Variants in CSTF1 observed in about 807,000 individuals in gnomAD.
CSTF1 encodes CF-1 50 kDa subunit.
CSTF1 carries 2 observed loss-of-function variants against 40.9 expected under a neutral mutation model. That is an observed-to-expected ratio of 0.05 (90% confidence interval 0.02 to 0.15). The LOEUF is 0.15. CSTF1 is among the 10% of genes least tolerant of loss of function. CSTF1 has a pLI of 1.00. For synonymous variants in CSTF1, 218 were observed against 207.2 expected, an observed-to-expected ratio of 1.05 and a Z score of -0.45; for missense variants, 279 against 558.9, an observed-to-expected ratio of 0.50 and a Z score of 5.05.
Position 56,404,015 on chromosome 20 carries a change from A to T in CSTF1, c.*288A>T. The T allele has an allele frequency of 3.0e-6, 1 of 331,174 alleles. No homozygotes were observed. The highest frequency in any genetic ancestry group is 4.9e-5 in the East Asian group (1 of 20,354). 20.5% of individuals were successfully genotyped at this position (331,174 alleles called of 1,614,324 possible). On this transcript the variant is annotated 3_prime_UTR_variant, in exon 6 of 6. Transcript: ENST00000217109. ...GCCGTTTCTTTTGATCTCTTGATTGAAGGAGGATAGGGCATTAAAGTGCTT... is the reference window on the plus strand; with the variant it reads ...GCCGTTTCTTTTGATCTCTTGATTGTAGGAGGATAGGGCATTAAAGTGCTT...
Position 56,403,487 on chromosome 20 carries a change from C to T in CSTF1, c.1056C>T (p.Arg352=), listed in dbSNP as rs1978561648. ...VRYTGAGLSG[R]QVHRTQAVFN... is the part of the protein sequence containing the mutation. Reference sequence around the variant, plus strand: ...TGGCAGGCGCGGGTTTAAGTGGACGCCAGGTGCACCGGACACAGGCTGTGT... The same window carrying T: ...TGGCAGGCGCGGGTTTAAGTGGACGTCAGGTGCACCGGACACAGGCTGTGT... The change falls in exon 6 of 6, where the codon CGC becomes CGT. Residue 352 remains arginine (R), a synonymous_variant. Coordinates refer to ENST00000217109, the MANE Select transcript of CSTF1 (RefSeq NM_001324.3). 3.7e-6 allele frequency: 6 copies of T among 1,613,882 alleles called. No homozygotes were observed. The South Asian group carries it at 5.5e-5, about 15-fold the overall frequency.
chr20:56,404,265 T>TA lies in CSTF1; in HGVS notation c.*539dup, dbSNP rs1452377822. 1.3e-5 allele frequency: 2 copies of TA among 152,590 alleles called. No individual in the cohort carries two copies. The highest frequency in any genetic ancestry group is 2.9e-5 in the Non-Finnish European group (2 of 68,324). 9.5% of individuals were successfully genotyped at this position (152,590 alleles called of 1,614,324 possible). On this transcript the variant is annotated 3_prime_UTR_variant, in exon 6 of 6. Transcript: ENST00000217109. ...AAGCTCAGATCTGCAACTTTATTGT[T>TA]ATATATTTTTCACTTCTGTAAAATT... is the stretch of plus-strand genomic sequence containing the variant.
intron 2 of CSTF1, 170 bp downstream of exon 2, chr20:56,395,891 G>T (rs1407921569): frequency 9.3e-6 from 6 of 645,844 alleles, no homozygotes; most frequent in Non-Finnish European, 1.6e-5. Context: ...TAAGTAAGGG[G>T]TAAAGCAAAG....
intron 1 of CSTF1, among the ~76,000 whole-genome samples, chr20:56,394,351 G>A (rs1164460367): frequency 6.6e-6 from 1 of 152,134 alleles, no homozygotes; most frequent in Non-Finnish European, 1.5e-5. Flanking sequence ...TTTGGGAGGC[G>A]GAGGCAGGCA....
At chr20:56,398,057 AC>A (rs922163835) in intron 4 of CSTF1, among the ~76,000 whole-genome samples, 2 of 151,980 alleles carry the variant, frequency 1.3e-5, no homozygotes, top group African/African-American at 4.8e-5. Context: ...TTATAATCTG[AC>A]CCTTTGGAGG....
In CSTF1 at chr20:56,405,290, T is replaced by G. The variant is rs1225234231; in HGVS notation, c.*1563T>G. The G allele has an allele frequency of 1.3e-5, 2 of 152,162 alleles. No individual in the cohort carries two copies. The highest frequency in any genetic ancestry group is 4.8e-5 in the African/African-American group (2 of 41,426). The allele number at this position is 152,162 out of a possible 1,614,324, so 9.4% of individuals were successfully genotyped here. A position where few individuals can be genotyped will look rare whatever the true frequency, so the allele number is the denominator to read the frequency against. Reference sequence around the variant, plus strand: ...GGCGCGATCTCGGCTCACCGCAGCCTCCGCCACCTGGGTTCAAACGATTCT... The same window carrying G: ...GGCGCGATCTCGGCTCACCGCAGCCGCCGCCACCTGGGTTCAAACGATTCT... On this transcript the variant is annotated 3_prime_UTR_variant, in exon 6 of 6. Transcript: ENST00000217109.
chr20:56,393,170 ATG>A (rs11473393), intron 1 of CSTF1, among the ~76,000 whole-genome samples: 39 of 132,144 alleles, frequency 3.0e-4, no homozygotes, highest in African/African-American at 7.0e-4. Flanking sequence ...ACACACACAT[ATG>A]TGTGTGTGTG....
chr20:56,403,734 C>G lies in CSTF1; in HGVS notation c.*7C>G, dbSNP rs1251434541. ...GAGATCGACCACTGACTGAGCCACCCTCTCCGTAGGGTTCTTTCTCGAGGA... is the reference window on the plus strand; with the variant it reads ...GAGATCGACCACTGACTGAGCCACCGTCTCCGTAGGGTTCTTTCTCGAGGA... On this transcript the variant is annotated 3_prime_UTR_variant, in exon 6 of 6. Coordinates refer to ENST00000217109, the MANE Select transcript of CSTF1 (RefSeq NM_001324.3). 5.6e-6 allele frequency: 9 copies of G among 1,608,510 alleles called. No individual in the cohort carries two copies. The highest frequency in any genetic ancestry group is 6.8e-6 in the Non-Finnish European group (8 of 1,175,598).
chr20:56,396,351 C>T (rs1038786963), intron 2 of CSTF1, among the ~76,000 whole-genome samples: 1 of 152,170 alleles, frequency 6.6e-6, no homozygotes, highest in South Asian at 2.1e-4. Context: ...GAGCATTTCT[C>T]CTGGGGAAAT....
At position 56,404,374 on chromosome 20, in the gene CSTF1, G is replaced by A. The variant is rs143206308; in HGVS notation, c.*647G>A. 5.3e-5 allele frequency: 8 copies of A among 152,178 alleles called. No individual in the cohort carries two copies. The highest frequency in any genetic ancestry group is 1.9e-4 in the African/African-American group (8 of 41,522). 9.4% of individuals were successfully genotyped at this position (152,178 alleles called of 1,614,324 possible). A position where few individuals can be genotyped will look rare whatever the true frequency, so the allele number is the denominator to read the frequency against. On this transcript the variant is annotated 3_prime_UTR_variant, in exon 6 of 6. Transcript: ENST00000217109. ...TTATCCTTCAATATCTGCAATACTT[G>A]TCTTTAGTAACTGTATTTCTGGTAA...
chr20:56,394,091 C>G (rs1244796450), intron 1 of CSTF1, among the ~76,000 whole-genome samples: 1 of 152,194 alleles, frequency 6.6e-6, no homozygotes, highest in Non-Finnish European at 1.5e-5. Flanking sequence ...ATTTCATCAT[C>G]TTTATTTGTG....
At position 56,397,599 on chromosome 20, in the gene CSTF1, T is replaced by A; in HGVS notation, c.448-45T>A. 6.2e-7 allele frequency: 1 copy of A among 1,604,274 alleles called. No individual in the cohort carries two copies. Among genetic ancestry groups the A allele is most frequent in the African/African-American group, 1.3e-5 (1 of 74,850 alleles). On this transcript the variant is annotated intron_variant, in intron 3 of 5. Coordinates refer to ENST00000217109, the MANE Select transcript of CSTF1 (RefSeq NM_001324.3). The surrounding 1 kb of genome is among the most constrained non-coding windows in gnomAD (Gnocchi z 4.4). ...TACAGTTGTGGATTGTGCACTTGGA[T>A]TCAGACACATTCTGTGCCTTGAGCA...
At chr20:56,402,089 C>G (rs549718488) in intron 5 of CSTF1, among the ~76,000 whole-genome samples, 1 of 152,012 alleles carries the variant, frequency 6.6e-6, no homozygotes. Context: ...GGCAGATCAT[C>G]TGAGGTCAGG....
At chr20:56,401,158 A>C (rs1167010107) in intron 5 of CSTF1, among the ~76,000 whole-genome samples, 1 of 152,194 alleles carries the variant, frequency 6.6e-6, no homozygotes, top group African/African-American at 2.4e-5. Context: ...TATAAATAAC[A>C]TACAGGACTG....
chr20:56,396,613 T>C (rs951910366), intron 2 of CSTF1, among the ~76,000 whole-genome samples: 6 of 152,210 alleles, frequency 3.9e-5, no homozygotes, highest in Non-Finnish European at 8.8e-5. Context: ...TTAACAGTTA[T>C]TATCTCTGGG....
In CSTF1 at chr20:56,405,938, A is replaced by T. The variant is rs1313434960; in HGVS notation, c.*2211A>T. On this transcript the variant is annotated 3_prime_UTR_variant, in exon 6 of 6. Coordinates refer to ENST00000217109, the MANE Select transcript of CSTF1 (RefSeq NM_001324.3). ...ATTCTGCTTTGACTCACATACTAAA[A>T]TGACCACATGGCACTCCATTGAATC... The T allele has an allele frequency of 6.6e-5, 10 of 152,200 alleles. No individual in the cohort carries two copies. The highest frequency in any genetic ancestry group is 6.5e-4 in the Admixed American group (10 of 15,280). The allele number at this position is 152,200 out of a possible 1,614,324, so 9.4% of individuals were successfully genotyped here. A position where few individuals can be genotyped will look rare whatever the true frequency, so the allele number is the denominator to read the frequency against.
rs554186280 is a variant in CSTF1, at chr20:56,392,658, T to A, written c.-88T>A. Reference sequence around the variant, plus strand: ...GCTCGGAGCGGTAGATTGGGCAGGATTCGCGCCTCCATTTTTCCAGGAGAG... The same window carrying A: ...GCTCGGAGCGGTAGATTGGGCAGGAATCGCGCCTCCATTTTTCCAGGAGAG... On this transcript the variant is annotated 5_prime_UTR_variant, in exon 1 of 6. Coordinates refer to ENST00000217109, the MANE Select transcript of CSTF1 (RefSeq NM_001324.3). The A allele has an allele frequency of 7.2e-5, 11 of 152,374 alleles. No homozygotes were observed. The highest frequency in any genetic ancestry group is 1.9e-4 in the African/African-American group (8 of 41,580). The allele number at this position is 152,374 out of a possible 1,614,324, so 9.4% of individuals were successfully genotyped here.
rs746895401 is a variant in CSTF1 at position 56,399,291 on chromosome 20, A to T, written c.970A>T (p.Ser324Cys). 7 of 1,614,000 alleles carry T rather than the reference A, an allele frequency of 4.3e-6. No homozygotes were observed. The highest frequency in any genetic ancestry group is 5.9e-6 in the Non-Finnish European group (7 of 1,179,976). ...FSKNSKYILS[S>C]GKDSVAKLWE... is the part of the protein sequence containing the mutation. The stretch of plus-strand genomic sequence containing the variant: ...CAAAAATTCTAAATACATTCTCTCA[A>T]GTGGAAAAGACTCTGTAGCTAAACT... Residue 324 changes from serine to cysteine, a missense_variant, in exon 5 of 6, where the codon AGT (serine) becomes TGT (cysteine). Transcript: ENST00000217109. The surrounding 1 kb of genome is among the most constrained non-coding windows in gnomAD (Gnocchi z 4.6).
Position 56,400,758 on chromosome 20 carries a change from G to A in CSTF1, c.1036+1401G>A, listed in dbSNP as rs550046945. Reference sequence around the variant, plus strand: ...CAGTTTTAATAATTAGTTAGAATTTGGGCCAGGCGCGGTGGCTCACACCTG... The same window carrying A: ...CAGTTTTAATAATTAGTTAGAATTTAGGCCAGGCGCGGTGGCTCACACCTG... On this transcript the variant is annotated intron_variant, in intron 5 of 5. Coordinates refer to ENST00000217109, the MANE Select transcript of CSTF1 (RefSeq NM_001324.3). Among the ~76,000 whole-genome samples the A allele has an allele frequency of 1.2e-3, 182 of 152,258 alleles. 1 individual carries two copies. The highest frequency in any genetic ancestry group is 4.2e-3 in the African/African-American group (174 of 41,544).
Sources: gnomAD v4.1 joint callset for allele counts (sites outside exome capture counted in the v4.1 genomes callset) on GRCh38, gnomAD v4.1.1 for gene constraint, Gnocchi (gnomAD v3.1) non-coding constraint, MANE v1.5 for transcripts, NCBI Gene and HGNC (gene_info 2026-07-23, HGNC 2026-07-21) for gene names.